The following TSC22D1 variants were observed in gnomAD, a reference collection of about 807,000 sequenced individuals.
TSC22D1 encodes the protein TSC22 domain family member 1.
In TSC22D1, 9 loss-of-function variants were observed where a neutral mutation model predicts 74.2. That is an observed-to-expected ratio of 0.12 (90% confidence interval 0.07 to 0.21). TSC22D1 has a LOEUF of 0.21. Ranked by LOEUF, TSC22D1 falls within the 10% of genes least tolerant of loss-of-function variation. The pLI is 1.00. For missense variants in TSC22D1, 1,427 were observed against 1,304.7 expected (o/e 1.09, Z -1.44); for synonymous variants, 586 against 492.5 (o/e 1.19, Z -2.51).
chr13:44,513,340 A>G (rs1348826016), intron 1 of TSC22D1, among the ~76,000 whole-genome samples: 3 of 152,224 alleles, frequency 2.0e-5, no homozygotes, highest in Non-Finnish European at 2.9e-5. Flanking sequence ...CTCATGCTTT[A>G]TATCTCAAAC....
chr13:44,511,013 T>C (rs1323302222), intron 1 of TSC22D1, among the ~76,000 whole-genome samples: 1 of 152,206 alleles, frequency 6.6e-6, no homozygotes, highest in Non-Finnish European at 1.5e-5. Context: ...CAGGCCAATG[T>C]GGTGGTTTAC....
At chr13:44,536,126 C>T (rs1448691405) in intron 1 of TSC22D1, among the ~76,000 whole-genome samples, 2 of 151,794 alleles carry the variant, frequency 1.3e-5, no homozygotes, top group East Asian at 3.8e-4. Flanking sequence ...TTCCTTTCCC[C>T]CACCCCCAAT....
chr13:44,465,739 G>A (rs1877242290), intron 1 of TSC22D1, among the ~76,000 whole-genome samples: 3 of 152,242 alleles, frequency 2.0e-5, no homozygotes, highest in Middle Eastern at 3.4e-3. Context: ...TTAGGAGGCC[G>A]AGGCGAGTGG....
At chr13:44,451,825 G>T (rs1566118679) in intron 1 of TSC22D1, among the ~76,000 whole-genome samples, 1 of 152,166 alleles carries the variant, frequency 6.6e-6, no homozygotes, top group Non-Finnish European at 1.5e-5. Context: ...CTTACCTGTG[G>T]GGCTGTTGGG....
chr13:44,555,585 GA>G lies in TSC22D1; in HGVS notation c.2912+17577del, dbSNP rs576662299. Among the ~76,000 whole-genome samples, 235 of 152,132 alleles carry G rather than the reference GA, an allele frequency of 1.5e-3. 1 individual carries two copies. The highest frequency in any genetic ancestry group is 5.5e-3 in the African/African-American group (227 of 41,488). Reference sequence around the variant, plus strand: ...TGTGCCACTGCACTCCAACTTGGGCGACAGCAAAAGACCCTGTCTAAAAATA... The same window carrying G: ...TGTGCCACTGCACTCCAACTTGGGCGCAGCAAAAGACCCTGTCTAAAAATA... On this transcript the variant is annotated intron_variant, in intron 1 of 2. Coordinates refer to ENST00000458659, the MANE Select transcript of TSC22D1 (RefSeq NM_183422.4).
chr13:44,475,003 C>A (rs1437331824), intron 1 of TSC22D1, among the ~76,000 whole-genome samples: 2 of 151,778 alleles, frequency 1.3e-5, no homozygotes, highest in African/African-American at 4.8e-5. Flanking sequence ...GGGCGGGAAA[C>A]AAAAAGAAAT....
At chr13:44,435,794 G>A (rs2138846577) in intron 2 of TSC22D1, 1 of 541,972 alleles carries the variant, frequency 1.8e-6, no homozygotes, top group Non-Finnish European at 3.3e-6. Flanking sequence ...AAGGGTCACC[G>A]TGAGAAAATC....
chr13:44,517,858 T>TATATATATATATATA (rs1555269398), intron 1 of TSC22D1, among the ~76,000 whole-genome samples: 8 of 14,342 alleles, frequency 5.6e-4, no homozygotes, highest in Non-Finnish European at 1.0e-3. Context: ...TATATATATA[T>TATATATATATATATA]TTTTTTTTTT....
intron 1 of TSC22D1, among the ~76,000 whole-genome samples, chr13:44,553,180 G>A (rs916461118): frequency 6.6e-6 from 1 of 152,156 alleles, no homozygotes; most frequent in African/African-American, 2.4e-5. Context: ...AAGGAACACT[G>A]GTTCTCCAGG....
intron 1 of TSC22D1, among the ~76,000 whole-genome samples, chr13:44,451,790 C>G (rs903361488): frequency 2.6e-5 from 4 of 152,204 alleles, no homozygotes; most frequent in Admixed American, 2.6e-4. Context: ...GAGCAGACCC[C>G]AGTGAGCTAT....
At chr13:44,435,331 C>T (rs917164385) in intron 2 of TSC22D1, 1 of 160,810 alleles carries the variant, frequency 6.2e-6, no homozygotes. Flanking sequence ...CCACCCCGCC[C>T]CCCTCTTTTC....
At chr13:44,509,952 A>AAAAAAAAAAAAAAAAAAAAC (rs1879627634) in intron 1 of TSC22D1, among the ~76,000 whole-genome samples, 1 of 45,256 alleles carries the variant, frequency 2.2e-5, no homozygotes, top group Non-Finnish European at 4.4e-5. Context: ...AAAATAAGCA[A>AAAAAAAAAAAAAAAAAAAAC]AAAAAAAAAA....
Position 44,574,135 on chromosome 13 carries a change from G to A in TSC22D1, c.1940C>T (p.Ser647Leu), listed in dbSNP as rs1256892343. ...CTCTGAAGCAGGATTTTGAGTCACT[G>A]ATTTGACATGGCCTGGGGCCATCTG... ...STQMAPGHVK[S>L]VTQNPASEYV... Residue 647 changes from serine to leucine, a missense_variant, in exon 1 of 3, where the codon TCA (serine) becomes TTA (leucine). Ser to Leu is a moderately radical substitution (Grantham distance 145). Transcript: ENST00000458659. 4 of 1,614,244 alleles carry A rather than the reference G, an allele frequency of 2.5e-6. No homozygotes were observed. Among genetic ancestry groups the A allele is most frequent in the Non-Finnish European group, 3.4e-6 (4 of 1,180,024 alleles).
chr13:44,532,546 T>C (rs530357595), intron 1 of TSC22D1, among the ~76,000 whole-genome samples: 1 of 152,238 alleles, frequency 6.6e-6, no homozygotes, highest in East Asian at 1.9e-4. Flanking sequence ...CCACCTCGGC[T>C]CACTGCAAGC....
In TSC22D1 at chr13:44,434,262, A is replaced by G. The variant is rs1874322007; in HGVS notation, c.*364T>C. The G allele has an allele frequency of 7.2e-7, 1 of 1,397,950 alleles. No homozygotes were observed. The highest frequency in any genetic ancestry group is 3.5e-5 in the Admixed American group (1 of 28,334). 86.6% of individuals were successfully genotyped at this position (1,397,950 alleles called of 1,614,324 possible). On this transcript the variant is annotated 3_prime_UTR_variant, in exon 3 of 3. Transcript: ENST00000458659. ...ATCGCTTCACAACCCCATGTAGGAC[A>G]CTAAGCGCAAGCAGGAGAGAGAACC...
intron 1 of TSC22D1, among the ~76,000 whole-genome samples, chr13:44,551,310 GGTGTGTGTGTGTGT>G (rs370742852): frequency 2.3e-5 from 3 of 132,776 alleles, no homozygotes; most frequent in Non-Finnish European, 3.2e-5. Flanking sequence ...ATCAGCTGGG[GGTGTGTGTGTGTGT>G]GTGTGTGTGT....
intron 1 of TSC22D1, among the ~76,000 whole-genome samples, chr13:44,564,295 T>A (rs1883227913): frequency 6.6e-6 from 1 of 152,186 alleles, no homozygotes; most frequent in African/African-American, 2.4e-5. Context: ...AACATCCCCA[T>A]TCCTATTCAA....
chr13:44,436,689 A>G (rs561239113), intron 1 of TSC22D1: 2 of 1,546,392 alleles, frequency 1.3e-6, no homozygotes, highest in African/African-American at 1.4e-5. Context: ...GCCTTGTATA[A>G]GCTAGATAAA....
At chr13:44,451,113 A>C (rs1876094198) in intron 1 of TSC22D1, among the ~76,000 whole-genome samples, 1 of 152,252 alleles carries the variant, frequency 6.6e-6, no homozygotes, top group Non-Finnish European at 1.5e-5. Context: ...CTCCAATGCC[A>C]GGCACCCTAA....
Sources: allele counts gnomAD v4.1 joint callset (sites outside exome capture counted in the v4.1 genomes callset), GRCh38; gene constraint gnomAD v4.1.1; transcripts MANE v1.5; gene names NCBI Gene and HGNC (gene_info 2026-07-23, HGNC 2026-07-21).